The following AFG2A variants were observed in gnomAD, a reference collection of about 807,000 sequenced individuals.
The protein encoded by AFG2A is ATPase family gene 2 protein homolog A.
At chr4:123,220,637 AC>A in the AFG2A span, among the ~76,000 whole-genome samples, 1 of 150,728 alleles carries the variant, frequency 6.6e-6, no homozygotes, top group Non-Finnish European at 1.5e-5. Flanking sequence ...AAAAAAAAAA[AC>A]CTGGAGTTAA....
chr4:123,041,815 A>G, the AFG2A span, among the ~76,000 whole-genome samples: 2 of 152,178 alleles, frequency 1.3e-5, no homozygotes, highest in Admixed American at 6.5e-5. Flanking sequence ...GGCGTGATCC[A>G]CTGCATCTGG....
chr4:123,244,674 A>G, the AFG2A span, among the ~76,000 whole-genome samples: 4 of 152,236 alleles, frequency 2.6e-5, no homozygotes, highest in Non-Finnish European at 4.4e-5. Flanking sequence ...TTTGTAGTAT[A>G]TATCAGAAGA....
chr4:123,088,373 A>G, the AFG2A span, among the ~76,000 whole-genome samples: 1 of 152,186 alleles, frequency 6.6e-6, no homozygotes. Context: ...GATACAATTA[A>G]AGGCCTCCGA....
At chr4:122,941,174 T>G in the AFG2A span, among the ~76,000 whole-genome samples, 118 of 151,832 alleles carry the variant, frequency 7.8e-4, no homozygotes, top group Middle Eastern at 3.4e-3. Flanking sequence ...GTGAAGAAAG[T>G]CATTGGTAGC....
the AFG2A span, among the ~76,000 whole-genome samples, chr4:123,158,747 A>G: frequency 7.9e-3 from 1,204 of 152,352 alleles, 18 homozygotes; most frequent in African/African-American, 0.026. Flanking sequence ...TGTCTGCAGC[A>G]GTCAGAGGAA....
the AFG2A span, among the ~76,000 whole-genome samples, chr4:123,277,008 T>C: frequency 1.6e-4 from 24 of 152,222 alleles, no homozygotes; most frequent in African/African-American, 5.8e-4. Context: ...TTTTTTCTAA[T>C]TCTGTGAAGA....
At chr4:122,933,119 T>C in the AFG2A span, among the ~76,000 whole-genome samples, 1 of 152,238 alleles carries the variant, frequency 6.6e-6, no homozygotes, top group East Asian at 1.9e-4. Context: ...ACCCTTTCTA[T>C]ATTCAGTGTA....
chr4:122,986,804 G>T, the AFG2A span, among the ~76,000 whole-genome samples: 379 of 152,238 alleles, frequency 2.5e-3, no homozygotes, highest in Middle Eastern at 0.017. Flanking sequence ...GCGGCCATTG[G>T]TTGTAGTGTT....
At chr4:123,152,089 G>C in the AFG2A span, among the ~76,000 whole-genome samples, 1 of 149,454 alleles carries the variant, frequency 6.7e-6, no homozygotes, top group Non-Finnish European at 1.5e-5. Flanking sequence ...AGAACACATG[G>C]ACACAGGGAG....
the AFG2A span, among the ~76,000 whole-genome samples, chr4:123,176,025 T>C: frequency 7.2e-5 from 11 of 152,146 alleles, 1 homozygote. Flanking sequence ...AAGTGGGCAT[T>C]GTACTGGATT....
chr4:123,033,134 G>GT, the AFG2A span, among the ~76,000 whole-genome samples: 4 of 152,126 alleles, frequency 2.6e-5, no homozygotes, highest in African/African-American at 4.8e-5. Flanking sequence ...TTAGGCTTCT[G>GT]TTTTTTAATT....
At chr4:123,207,943 T>A in the AFG2A span, among the ~76,000 whole-genome samples, 2 of 152,074 alleles carry the variant, frequency 1.3e-5, no homozygotes, top group East Asian at 1.9e-4. Context: ...CTCAAACCCA[T>A]ATGGAATGCA....
chr4:123,037,354 G>T, the AFG2A span, among the ~76,000 whole-genome samples: 1 of 151,990 alleles, frequency 6.6e-6, no homozygotes, highest in African/African-American at 2.4e-5. Context: ...TTGTTATTTT[G>T]TAAACTTGGA....
chr4:123,226,957 G>A, the AFG2A span, among the ~76,000 whole-genome samples: 1 of 152,194 alleles, frequency 6.6e-6, no homozygotes, highest in Admixed American at 6.5e-5. Flanking sequence ...ATGTGTCGAG[G>A]AATGTACCCA....
chr4:123,280,282 T>TAAA, the AFG2A span, among the ~76,000 whole-genome samples: 2 of 152,198 alleles, frequency 1.3e-5, no homozygotes, highest in African/African-American at 2.4e-5. Context: ...GGGTACTTAG[T>TAAA]AAATAATAGC....
At chr4:123,269,983 A>G in the AFG2A span, among the ~76,000 whole-genome samples, 1 of 152,000 alleles carries the variant, frequency 6.6e-6, no homozygotes, top group South Asian at 2.1e-4. Context: ...CGCCCGGCTA[A>G]TTATTTGTAT....
At chr4:123,126,520 A>T in the AFG2A span, among the ~76,000 whole-genome samples, 1 of 152,162 alleles carries the variant, frequency 6.6e-6, no homozygotes, top group Non-Finnish European at 1.5e-5. Flanking sequence ...CTCATCTCAA[A>T]TTATAGTTCC....
At chr4:123,011,209 A>T in the AFG2A span, among the ~76,000 whole-genome samples, 8 of 152,170 alleles carry the variant, frequency 5.3e-5, no homozygotes, top group African/African-American at 1.9e-4. Flanking sequence ...TGCTTATATG[A>T]GTTTGCTGAG....
At chr4:123,305,556 G>A in the AFG2A span, among the ~76,000 whole-genome samples, 1 of 152,314 alleles carries the variant, frequency 6.6e-6, no homozygotes, top group South Asian at 2.1e-4. Context: ...GTACTACTGT[G>A]AAACTGAAAA....
Sources: allele counts gnomAD v4.1 joint callset (sites outside exome capture counted in the v4.1 genomes callset), GRCh38; gene constraint gnomAD v4.1.1; transcripts MANE v1.5; gene names NCBI Gene and HGNC (gene_info 2026-07-23, HGNC 2026-07-21).